BDKRB2: variants seen among roughly 807,000 people sequenced by gnomAD.
BDKRB2 encodes the protein bradykinin receptor B2, also known as B2 bradykinin receptor.
In BDKRB2, 6 loss-of-function variants were observed where a neutral mutation model predicts 4.0. That is an observed-to-expected ratio of 1.49 (90% CI 0.81 to 2.93). The LOEUF is 2.93. BDKRB2 is among the 30% of genes most tolerant of loss of function. BDKRB2 has a pLI of 0.00. For synonymous variants in BDKRB2, 225 were observed against 215.3 expected (o/e 1.05, Z -0.40); for missense variants, 478 against 520.1 (o/e 0.92, Z 0.79).
intron 2 of BDKRB2, chr14:96,237,613 T>G: frequency 8.2e-7 from 1 of 1,226,360 alleles, no homozygotes; most frequent in Non-Finnish European, 1.0e-6. Flanking sequence ...GAGGAGGACC[T>G]GAGCCAGAGT....
chr14:96,223,255 C>A, intron 1 of BDKRB2: 1 of 1,061,440 alleles, frequency 9.4e-7, no homozygotes, highest in Non-Finnish European at 1.5e-6. Flanking sequence ...TGGCGTTCAG[C>A]AGAGTCAGGG....
At chr14:96,213,454 T>G (rs1432501801) in intron 1 of BDKRB2, among the ~76,000 whole-genome samples, 2 of 151,584 alleles carry the variant, frequency 1.3e-5, no homozygotes, top group African/African-American at 4.9e-5. Flanking sequence ...TGGCAGGATC[T>G]CCACTCTTCT....
At chr14:96,216,105 G>T (rs968560051) in intron 1 of BDKRB2, among the ~76,000 whole-genome samples, 4 of 152,290 alleles carry the variant, frequency 2.6e-5, no homozygotes, top group Admixed American at 2.6e-4. Flanking sequence ...AAGGAAAGTA[G>T]GCAAGCTCAT....
chr14:96,211,294 C>G (rs1443084613), intron 1 of BDKRB2, among the ~76,000 whole-genome samples: 1 of 152,216 alleles, frequency 6.6e-6, no homozygotes, highest in Non-Finnish European at 1.5e-5. Context: ...CTCTGGGGTT[C>G]TCCCGGAGCC....
chr14:96,221,527 C>A (rs754302172), intron 1 of BDKRB2, among the ~76,000 whole-genome samples: 12 of 152,174 alleles, frequency 7.9e-5, no homozygotes, highest in Non-Finnish European at 1.5e-4. Context: ...TACACTGGGA[C>A]CTTGGAACCA....
At chr14:96,232,179 C>T (rs531388957) in intron 1 of BDKRB2, among the ~76,000 whole-genome samples, 8 of 152,338 alleles carry the variant, frequency 5.3e-5, no homozygotes, top group Non-Finnish European at 8.8e-5. Context: ...ACATTGACCA[C>T]GTGCTCCATG....
At chr14:96,240,001 A>T (rs551309645) in intron 2 of BDKRB2, 1 of 1,001,116 alleles carries the variant, frequency 1.0e-6, no homozygotes, top group South Asian at 4.7e-5. Flanking sequence ...CTCACCCACC[A>T]CACGGCTTTG....
chr14:96,220,569 C>A (rs1159098002), intron 1 of BDKRB2, among the ~76,000 whole-genome samples: 1 of 152,038 alleles, frequency 6.6e-6, no homozygotes, highest in East Asian at 1.9e-4. Flanking sequence ...TCCTGCAGAT[C>A]TGGAGGTACC....
chr14:96,241,668 G>T lies in BDKRB2; in HGVS notation c.*164G>T, dbSNP rs200493929. 246 of 1,248,234 alleles carry T rather than the reference G, an allele frequency of 2.0e-4. 1 individual carries two copies. The highest frequency in any genetic ancestry group is 1.6e-4 in the Non-Finnish European group (156 of 948,802). The allele number at this position is 1,248,234 out of a possible 1,614,324, so 77.3% of individuals were successfully genotyped here. ...ACTAATTCCTGCCCTGCCCAATTTT[G>T]CAGGGAGCATGGCTGTGAGGATGGG... On this transcript the variant is annotated 3_prime_UTR_variant, in exon 3 of 3. Transcript: ENST00000554311.
Position 96,240,953 on chromosome 14 carries a change from A to G in BDKRB2, c.625A>G (p.Thr209Ala), listed in dbSNP as rs1662571034. The G allele has an allele frequency of 1.3e-6, 2 of 1,591,924 alleles. No homozygotes were observed. The highest frequency in any genetic ancestry group is 2.7e-5 in the African/African-American group (2 of 74,720). The change falls in exon 3 of 3, where the codon ACC becomes GCC. Residue 209 changes from threonine to alanine, a missense_variant. Thr to Ala is a moderately conservative substitution (Grantham distance 58). Transcript: ENST00000554311. Reference protein sequence around the residue: ...KEYSDEGHNVTACVISYPSLI... With the variant: ...KEYSDEGHNVAACVISYPSLI... ...GTACAGCGATGAGGGCCACAACGTC[A>G]CCGCTTGTGTCATCAGCTACCCATC...
chr14:96,207,694 C>T (rs551225031), intron 1 of BDKRB2, among the ~76,000 whole-genome samples: 7 of 151,824 alleles, frequency 4.6e-5, no homozygotes, highest in South Asian at 2.1e-4. Flanking sequence ...GGGGAGGCTA[C>T]GTATGTGTAG....
At chr14:96,223,426 G>C in intron 1 of BDKRB2, 1 of 708,194 alleles carries the variant, frequency 1.4e-6, no homozygotes, top group South Asian at 1.5e-5. Context: ...ACATTATTAT[G>C]TTGCCTTCTT....
Position 96,241,131 on chromosome 14 carries a change from C to T in BDKRB2, c.803C>T (p.Ala268Val). ...KFKEIQTERR[A>V]TVLVLVVLLL... The stretch of plus-strand genomic sequence containing the variant: ...AAGGAGATCCAGACAGAGAGGAGGG[C>T]CACGGTGCTAGTCCTGGTTGTGCTG... Residue 268 changes from alanine (A) to valine (V), a missense_variant, in exon 3 of 3, where the codon GCC becomes GTC. By Grantham distance (64) the Ala-to-Val change is moderately conservative. Coordinates refer to ENST00000554311, the MANE Select transcript of BDKRB2 (RefSeq NM_001379692.1). 1 of 1,612,806 alleles carries T rather than the reference C, an allele frequency of 6.2e-7. No individual in the cohort carries two copies. Among genetic ancestry groups the T allele is most frequent in the Non-Finnish European group, 8.5e-7 (1 of 1,179,626 alleles).
Position 96,216,344 on chromosome 14 carries a change from A to C in BDKRB2, c.-40+11385A>C, listed in dbSNP as rs145580437. ...TCTGTACCTCCCACCTCCCCGCAAG[A>C]AGTAGGCCAGGCATGGTAGCTCATG... On this transcript the variant is annotated intron_variant, in intron 1 of 2. Coordinates refer to ENST00000554311, the MANE Select transcript of BDKRB2 (RefSeq NM_001379692.1). Among the ~76,000 whole-genome samples the C allele has an allele frequency of 3.3e-3, 507 of 152,146 alleles. 3 individuals carry two copies. Among genetic ancestry groups the C allele is most frequent in the African/African-American group, 0.012 (482 of 41,510 alleles).
At chr14:96,235,347 CAAAAAAA>C (rs60409238) in intron 1 of BDKRB2, among the ~76,000 whole-genome samples, 4 of 67,224 alleles carry the variant, frequency 6.0e-5, no homozygotes, top group East Asian at 4.5e-4. Flanking sequence ...GACTCCGTCT[CAAAAAAA>C]AAAAAAAAAA....
chr14:96,236,583 G>A (rs143929119), intron 1 of BDKRB2, among the ~76,000 whole-genome samples: 15 of 152,212 alleles, frequency 9.9e-5, no homozygotes, highest in South Asian at 2.1e-4. Flanking sequence ...ATCCCAGGTC[G>A]AAGCTAATGG....
intron 1 of BDKRB2, among the ~76,000 whole-genome samples, chr14:96,225,865 G>A (rs1404711645): frequency 3.9e-5 from 6 of 152,172 alleles, no homozygotes. Flanking sequence ...TGGAGGAGCA[G>A]GGCCAGTAAC....
At chr14:96,218,975 GA>G (rs1158954796) in intron 1 of BDKRB2, among the ~76,000 whole-genome samples, 1 of 151,730 alleles carries the variant, frequency 6.6e-6, no homozygotes, top group Non-Finnish European at 1.5e-5. Flanking sequence ...GTGTTGTGGG[GA>G]TTAAATGAGT....
chr14:96,228,032 T>C (rs1890738995), intron 1 of BDKRB2, among the ~76,000 whole-genome samples: 1 of 152,144 alleles, frequency 6.6e-6, no homozygotes, highest in African/African-American at 2.4e-5. Context: ...CAGCATCCCC[T>C]CCAAGACAGC....
Sources: allele counts gnomAD v4.1 joint callset (sites outside exome capture counted in the v4.1 genomes callset), GRCh38; gene constraint gnomAD v4.1.1; transcripts MANE v1.5; gene names NCBI Gene and HGNC (gene_info 2026-07-23, HGNC 2026-07-21).